The following ARHGAP44 variants were observed in gnomAD, a reference collection of about 807,000 sequenced individuals.
ARHGAP44 encodes Rho GTPase activating protein 44, also known as rho GTPase-activating protein 44.
Under a neutral mutation model 106.8 loss-of-function variants are expected in ARHGAP44, and 43 were observed. The ratio of observed to expected loss-of-function variants is 0.40; its 90% CI spans 0.32 to 0.52. The LOEUF (loss-of-function observed/expected upper bound fraction) is 0.52, where lower values mean the gene tolerates loss of function less well. Among genes scored for constraint, ARHGAP44 ranks in the 20% least tolerant of loss-of-function variants. ARHGAP44 has a pLI of 0.48. For synonymous variants in ARHGAP44, 439 were observed against 410.3 expected, an observed-to-expected ratio of 1.07 and a Z score of -0.85; for missense variants, 866 against 1,050.5, an observed-to-expected ratio of 0.82 and a Z score of 2.43.
chr17:12,979,121 G>A (rs1416630138), intron 18 of ARHGAP44, among the ~76,000 whole-genome samples: 1 of 152,172 alleles, frequency 6.6e-6, no homozygotes, highest in African/African-American at 2.4e-5. Context: ...TCCCAACTGT[G>A]GGGCATCTCC....
rs750296212 is a variant in ARHGAP44 at position 12,984,715 on chromosome 17, T to C, written c.2124T>C (p.Ala708=). ...YSLASGQLSP[A]AAPPLASPSV... Reference sequence around the variant, plus strand: ...TGGCCTCGGGCCAGCTCTCCCCAGCTGCAGCTCCTCCCCTGGCCTCTCCTT... The same window carrying C: ...TGGCCTCGGGCCAGCTCTCCCCAGCCGCAGCTCCTCCCCTGGCCTCTCCTT... The change falls in exon 20 of 21, where the codon GCT becomes GCC. Residue 708 remains alanine (A), a synonymous_variant. Coordinates refer to ENST00000379672, the MANE Select transcript of ARHGAP44 (RefSeq NM_014859.6). 6.2e-7 allele frequency: 1 copy of C among 1,613,682 alleles called. No homozygotes were observed. Among genetic ancestry groups the C allele is most frequent in the East Asian group, 2.2e-5 (1 of 44,832 alleles).
chr17:12,879,301 T>C (rs1437817497), intron 1 of ARHGAP44, among the ~76,000 whole-genome samples: 1 of 152,208 alleles, frequency 6.6e-6, no homozygotes, highest in Non-Finnish European at 1.5e-5. Context: ...AATGCCATTA[T>C]TTCATTCCTT....
At chr17:12,868,145 G>A (rs2036289069) in intron 1 of ARHGAP44, among the ~76,000 whole-genome samples, 1 of 152,138 alleles carries the variant, frequency 6.6e-6, no homozygotes, top group Non-Finnish European at 1.5e-5. Context: ...CATGAAAGAG[G>A]TGTCGGAGGG....
intron 3 of ARHGAP44, among the ~76,000 whole-genome samples, chr17:12,903,595 T>G (rs375710349): frequency 6.6e-6 from 1 of 152,184 alleles, no homozygotes; most frequent in African/African-American, 2.4e-5. Flanking sequence ...TTTTAAAAAA[T>G]TTTTAATTAA....
chr17:12,857,598 G>A (rs1344283325), intron 1 of ARHGAP44, among the ~76,000 whole-genome samples: 2 of 152,138 alleles, frequency 1.3e-5, no homozygotes, highest in Non-Finnish European at 2.9e-5. Flanking sequence ...GCACATGAAA[G>A]TTGGGGAAGA....
intron 1 of ARHGAP44, among the ~76,000 whole-genome samples, chr17:12,803,814 GA>G (rs1267771131): frequency 6.6e-6 from 1 of 151,810 alleles, no homozygotes; most frequent in Non-Finnish European, 1.5e-5. Context: ...GTTCTGTGGG[GA>G]AAAAAATCCT....
Position 12,984,641 on chromosome 17 carries a change from C to G in ARHGAP44, c.2050C>G (p.Pro684Ala), listed in dbSNP as rs757840678. ...CCCAGTCAGCCTGTCCCCCACCCCG[C>G]CCAGCACCCCGTCACCCTATGGACT... ...PSPVSLSPTP[P>A]STPSPYGLSY... Residue 684 changes from proline (P) to alanine (A), a missense_variant, in exon 20 of 21, where the codon CCC becomes GCC. This residue lies in a region of ARHGAP44 where 418 missense variants were observed against 403.6 expected (regional missense o/e 1.04). Coordinates refer to ENST00000379672, the MANE Select transcript of ARHGAP44 (RefSeq NM_014859.6). 9 of 1,612,776 alleles carry G rather than the reference C, an allele frequency of 5.6e-6. No individual in the cohort carries two copies. In the East Asian group the frequency reaches 2.0e-4, roughly 36 times the overall value.
At chr17:12,968,288 T>C (rs545457426) in intron 16 of ARHGAP44, among the ~76,000 whole-genome samples, 4 of 152,168 alleles carry the variant, frequency 2.6e-5, no homozygotes, top group Non-Finnish European at 4.4e-5. Context: ...GCAAGAGATA[T>C]ACAAACACCA....
intron 20 of ARHGAP44, among the ~76,000 whole-genome samples, chr17:12,989,122 A>AAC (rs2040041972): frequency 6.8e-6 from 1 of 148,146 alleles, no homozygotes. Context: ...AAAAAAAAAA[A>AAC]AAACTAAGCA....
In ARHGAP44 at chr17:12,800,365, C is replaced by T. The variant is rs561170864; in HGVS notation, c.53+10474C>T. Among the ~76,000 whole-genome samples the T allele has an allele frequency of 4.6e-5, 7 of 152,244 alleles. No homozygotes were observed. The South Asian group carries it at 1.5e-3, about 32-fold the overall frequency. On this transcript the variant is annotated intron_variant, in intron 1 of 20. Coordinates refer to ENST00000379672, the MANE Select transcript of ARHGAP44 (RefSeq NM_014859.6). ...GGTGACTAATAGTTATTGTATCACT[C>T]AATTTAAGTCTAGGTTAAGCAGCTG...
At chr17:12,903,083 T>TGAGAGA (rs67363604) in intron 3 of ARHGAP44, among the ~76,000 whole-genome samples, 200 of 70,146 alleles carry the variant, frequency 2.9e-3, no homozygotes, top group African/African-American at 4.9e-3. Context: ...AGGGAATATA[T>TGAGAGA]GAGAGAGAGA....
intron 18 of ARHGAP44, among the ~76,000 whole-genome samples, chr17:12,975,173 C>T (rs1035537763): frequency 1.3e-5 from 2 of 152,030 alleles, no homozygotes; most frequent in South Asian, 2.1e-4. Flanking sequence ...TTGAACTGTA[C>T]GCACCTATTT....
chr17:12,816,584 G>A (rs1326421097), intron 1 of ARHGAP44, among the ~76,000 whole-genome samples: 1 of 152,122 alleles, frequency 6.6e-6, no homozygotes, highest in Non-Finnish European at 1.5e-5. Flanking sequence ...TAGCAAGCTT[G>A]CTCAATTCAA....
In ARHGAP44 at chr17:12,936,298, A is replaced by T. The variant is rs374606346; in HGVS notation, c.583-4758A>T. On this transcript the variant is annotated intron_variant, in intron 7 of 20. Transcript: ENST00000379672. Reference sequence around the variant, plus strand: ...AATGTATGTGAATGTATCCACCATTATAGTATCCTAGAGAATAATTTCATT... The same window carrying T: ...AATGTATGTGAATGTATCCACCATTTTAGTATCCTAGAGAATAATTTCATT... 1.3e-3 allele frequency among the ~76,000 whole-genome samples: 203 copies of T among 152,310 alleles called. 7 individuals carry two copies. The South Asian group carries it at 0.04, about 30-fold the overall frequency.
chr17:12,849,244 C>G (rs539644799), intron 1 of ARHGAP44, among the ~76,000 whole-genome samples: 104 of 151,458 alleles, frequency 6.9e-4, no homozygotes, highest in Non-Finnish European at 1.1e-3. Context: ...CGCACACACA[C>G]AGATTTTTCA....
At chr17:12,976,939 T>G (rs1309569435) in intron 18 of ARHGAP44, among the ~76,000 whole-genome samples, 1 of 152,186 alleles carries the variant, frequency 6.6e-6, no homozygotes, top group East Asian at 1.9e-4. Flanking sequence ...ACTCCTCAGC[T>G]TCATCCTAGT....
intron 1 of ARHGAP44, among the ~76,000 whole-genome samples, chr17:12,796,533 G>C (rs1475243431): frequency 1.3e-5 from 2 of 152,018 alleles, no homozygotes; most frequent in Non-Finnish European, 2.9e-5. Context: ...TAAGTGCTGG[G>C]ATTACAGGTG....
At chr17:12,932,776 C>G (rs749280260) in intron 7 of ARHGAP44, among the ~76,000 whole-genome samples, 2 of 151,776 alleles carry the variant, frequency 1.3e-5, no homozygotes, top group Non-Finnish European at 2.9e-5. Context: ...CCACCTTCCC[C>G]TGAAGTGAAA....
chr17:12,912,619 A>G (rs1236036137), intron 4 of ARHGAP44, among the ~76,000 whole-genome samples: 3 of 152,220 alleles, frequency 2.0e-5, no homozygotes, highest in African/African-American at 7.2e-5. Flanking sequence ...CGTATGCCAC[A>G]GAGCTCACCA....
Sources: gnomAD v4.1 joint callset for allele counts (sites outside exome capture counted in the v4.1 genomes callset) on GRCh38, gnomAD v4.1.1 for gene constraint, gnomAD v4.1.1 regional missense constraint, MANE v1.5 for transcripts, NCBI Gene and HGNC (gene_info 2026-07-23, HGNC 2026-07-21) for gene names.